TMC1: variants seen among roughly 807,000 people sequenced by gnomAD.
TMC1 encodes transmembrane channel like 1, also known as transmembrane channel-like protein 1.
A neutral mutation model predicts 105.8 loss-of-function variants in TMC1; 84 were observed. The ratio of observed to expected loss-of-function variants is 0.79; its 90% CI spans 0.67 to 0.95. TMC1 has a LOEUF of 0.95. TMC1 is among the 40% of genes least tolerant of loss of function. The pLI, the probability that TMC1 is intolerant of heterozygous loss-of-function variation, is 0.00. For synonymous variants in TMC1, 315 were observed against 311.5 expected (o/e 1.01, Z -0.12); for missense variants, 817 against 914.1 (o/e 0.89, Z 1.37).
At chr9:72,570,178 T>C (rs1250941466) in intron 1 of TMC1, among the ~76,000 whole-genome samples, 1 of 151,622 alleles carries the variant, frequency 6.6e-6, no homozygotes, top group African/African-American at 2.4e-5. Flanking sequence ...TAACTGCAGT[T>C]TTTTTCTTTC....
At chr9:72,605,456 C>T (rs1824896701) in intron 2 of TMC1, among the ~76,000 whole-genome samples, 1 of 152,134 alleles carries the variant, frequency 6.6e-6, no homozygotes. Context: ...TCTGAGGTCT[C>T]CGTCCTTGGA....
intron 12 of TMC1, among the ~76,000 whole-genome samples, chr9:72,766,899 T>C (rs1172112462): frequency 6.6e-6 from 1 of 152,228 alleles, no homozygotes; most frequent in Non-Finnish European, 1.5e-5. Context: ...GGCAGAAGCC[T>C]AATGGGTCTG....
At chr9:72,687,678 A>G (rs540663978) in intron 5 of TMC1, among the ~76,000 whole-genome samples, 48 of 152,166 alleles carry the variant, frequency 3.2e-4, no homozygotes, top group Non-Finnish European at 5.9e-4. Context: ...CACTCTTGGC[A>G]TGTGTTGCCT....
chr9:72,666,488 C>A (rs745981844), intron 5 of TMC1, among the ~76,000 whole-genome samples: 1 of 152,088 alleles, frequency 6.6e-6, no homozygotes, highest in Non-Finnish European at 1.5e-5. Flanking sequence ...CTATACTAAC[C>A]AAAAGGCCCC....
At chr9:72,762,828 A>G (rs913494238) in intron 12 of TMC1, among the ~76,000 whole-genome samples, 51 of 152,098 alleles carry the variant, frequency 3.4e-4, no homozygotes, top group African/African-American at 1.2e-3. Flanking sequence ...TATTTACTTC[A>G]CTTCCTCAAT....
At chr9:72,665,656 G>C (rs1826031513) in intron 5 of TMC1, among the ~76,000 whole-genome samples, 1 of 152,200 alleles carries the variant, frequency 6.6e-6, no homozygotes. Flanking sequence ...GGTGACTCAG[G>C]CTCTAGTCAG....
chr9:72,609,179 C>T (rs937224684), intron 2 of TMC1, among the ~76,000 whole-genome samples: 6 of 136,058 alleles, frequency 4.4e-5, no homozygotes, highest in African/African-American at 8.6e-5. Context: ...CTTCCTCCTT[C>T]CCTTCCTTCC....
At chr9:72,725,337 A>ATG (rs1448908923) in intron 8 of TMC1, among the ~76,000 whole-genome samples, 1 of 89,224 alleles carries the variant, frequency 1.1e-5, no homozygotes, top group Non-Finnish European at 2.1e-5. Context: ...ATATATATAT[A>ATG]TATATATATA....
chr9:72,754,732 G>A, intron 11 of TMC1, 54 bp from the exon 12 acceptor site: 1 of 1,377,388 alleles, frequency 7.3e-7, no homozygotes. Flanking sequence ...GATCACATGT[G>A]TGGCTCAGAC....
chr9:72,835,819 C>T, intron 23 of TMC1, 132 bp from the exon 24 acceptor site: 1 of 916,568 alleles, frequency 1.1e-6, no homozygotes, highest in Non-Finnish European at 1.7e-6. Context: ...CACATTTGGA[C>T]AATACAGATT....
At chr9:72,635,253 CAA>C (rs56137734) in intron 4 of TMC1, among the ~76,000 whole-genome samples, 24 of 122,512 alleles carry the variant, frequency 2.0e-4, no homozygotes, top group Admixed American at 2.5e-4. Context: ...ACTCCGTCTC[CAA>C]AAAAAAAAAA....
At chr9:72,547,388 C>T (rs897531634) in intron 1 of TMC1, among the ~76,000 whole-genome samples, 4 of 151,322 alleles carry the variant, frequency 2.6e-5, no homozygotes, top group Non-Finnish European at 5.9e-5. Flanking sequence ...ATTTCCAAAA[C>T]AGTGGAGTTT....
intron 17 of TMC1, among the ~76,000 whole-genome samples, chr9:72,793,008 A>G (rs1375815519): frequency 1.3e-5 from 2 of 152,084 alleles, no homozygotes; most frequent in African/African-American, 4.8e-5. Flanking sequence ...GACCTTGGGA[A>G]CCCATACTTC....
chr9:72,743,354 G>A (rs1473168708), intron 10 of TMC1, among the ~76,000 whole-genome samples: 3 of 144,118 alleles, frequency 2.1e-5, no homozygotes, highest in Non-Finnish European at 3.0e-5. Context: ...GCGACAGAGC[G>A]AGACTCCGTC....
chr9:72,673,617 AG>A (rs1325892607), intron 5 of TMC1, among the ~76,000 whole-genome samples: 12 of 152,302 alleles, frequency 7.9e-5, no homozygotes, highest in African/African-American at 2.4e-4. Flanking sequence ...AGATAGTAAA[AG>A]AACAATAAGA....
chr9:72,566,590 C>T (rs2132084911), intron 1 of TMC1, among the ~76,000 whole-genome samples: 1 of 152,262 alleles, frequency 6.6e-6, no homozygotes, highest in African/African-American at 2.4e-5. Flanking sequence ...CCAAATAATG[C>T]TGCGTTGTGA....
chr9:72,548,912 A>G (rs1329115946), intron 1 of TMC1, among the ~76,000 whole-genome samples: 2 of 152,232 alleles, frequency 1.3e-5, no homozygotes, highest in East Asian at 3.8e-4. Flanking sequence ...CTCTGGGTAC[A>G]CACATGCCCA....
intron 8 of TMC1, among the ~76,000 whole-genome samples, chr9:72,702,889 A>T (rs1222316802): frequency 6.6e-6 from 1 of 152,140 alleles, no homozygotes; most frequent in African/African-American, 2.4e-5. Flanking sequence ...AGAGATAGGC[A>T]TTAGCATTGG....
At chr9:72,666,701 C>T (rs1174761441) in intron 5 of TMC1, among the ~76,000 whole-genome samples, 1 of 152,144 alleles carries the variant, frequency 6.6e-6, no homozygotes, top group Non-Finnish European at 1.5e-5. Context: ...TTCCCAGAAG[C>T]TTATTTGCTT....
Sources: allele counts gnomAD v4.1 joint callset (sites outside exome capture counted in the v4.1 genomes callset), GRCh38; gene constraint gnomAD v4.1.1; transcripts MANE v1.5; gene names NCBI Gene and HGNC (gene_info 2026-07-23, HGNC 2026-07-21).